MAGI2: variants seen among roughly 807,000 people sequenced by gnomAD.
The protein encoded by MAGI2 is membrane-associated guanylate kinase, WW and PDZ domain-containing protein 2.
Under a neutral mutation model 133.3 loss-of-function variants are expected in MAGI2, and 35 were observed. That is an observed-to-expected ratio of 0.26 (90% CI 0.20 to 0.35). The LOEUF is 0.35. MAGI2 is among the 10% of genes least tolerant of loss of function. MAGI2 has a pLI of 1.00. For synonymous variants in MAGI2, 729 were observed against 710.6 expected (o/e 1.03, Z -0.41); for missense variants, 1,636 against 1,863.4 (o/e 0.88, Z 2.25).
In MAGI2 at chr7:78,936,492, T is replaced by C. The variant is rs548113407; in HGVS notation, c.418+70598A>G. ...GAAAAATAAGTTAAAATAATATATATGTACTTTTGGCATTAAAAACATTTT... is the reference window on the plus strand; with the variant it reads ...GAAAAATAAGTTAAAATAATATATACGTACTTTTGGCATTAAAAACATTTT... On this transcript the variant is annotated intron_variant, in intron 2 of 21. Transcript: ENST00000354212. Among the ~76,000 whole-genome samples, 62 of 152,114 alleles carry C rather than the reference T, an allele frequency of 4.1e-4. No individual in the cohort carries two copies. In the South Asian group the frequency reaches 6.6e-3, roughly 16 times the overall value.
intron 3 of MAGI2, among the ~76,000 whole-genome samples, chr7:78,542,852 A>T (rs1320463134): frequency 1.3e-5 from 2 of 152,202 alleles, no homozygotes; most frequent in African/African-American, 2.4e-5. Context: ...TTTAAAAATG[A>T]CTTCCTTCTT....
At chr7:78,573,375 T>TGAAAA (rs1801921351) in intron 3 of MAGI2, among the ~76,000 whole-genome samples, 1 of 14,862 alleles carries the variant, frequency 6.7e-5, no homozygotes, top group Non-Finnish European at 1.4e-4. Context: ...AATATATATA[T>TGAAAA]ATATATATAT....
At chr7:78,539,144 C>T (rs1798205074) in intron 3 of MAGI2, among the ~76,000 whole-genome samples, 2 of 152,172 alleles carry the variant, frequency 1.3e-5, no homozygotes, top group African/African-American at 2.4e-5. Context: ...ATAACATTGG[C>T]TGTGGATTTA....
At chr7:78,209,578 A>ACTTTC (rs1159031704) in intron 10 of MAGI2, among the ~76,000 whole-genome samples, 2 of 151,754 alleles carry the variant, frequency 1.3e-5, no homozygotes, top group South Asian at 2.1e-4. Context: ...CATTCTTAAC[A>ACTTTC]CTTTCCTTTC....
At chr7:78,026,518 A>G (rs1808933559) in intron 21 of MAGI2, among the ~76,000 whole-genome samples, 1 of 152,266 alleles carries the variant, frequency 6.6e-6, no homozygotes, top group Non-Finnish European at 1.5e-5. Context: ...AGGTTGAGAA[A>G]GAAAAATCTT....
At chr7:78,966,212 TTAA>T (rs1803291032) in intron 2 of MAGI2, among the ~76,000 whole-genome samples, 1 of 152,114 alleles carries the variant, frequency 6.6e-6, no homozygotes, top group African/African-American at 2.4e-5. Flanking sequence ...ATCTATCCTC[TTAA>T]TAACTTTTTA....
At chr7:78,099,119 A>G (rs756086722) in intron 20 of MAGI2, among the ~76,000 whole-genome samples, 1 of 152,194 alleles carries the variant, frequency 6.6e-6, no homozygotes, top group Non-Finnish European at 1.5e-5. Flanking sequence ...CTTCACTTGT[A>G]AAGTTTCATG....
chr7:78,338,666 T>G (rs1489000928), intron 9 of MAGI2, among the ~76,000 whole-genome samples: 3 of 152,228 alleles, frequency 2.0e-5, no homozygotes, highest in Non-Finnish European at 4.4e-5. Flanking sequence ...TGTGGGATGT[T>G]GCAGAAATGT....
At chr7:78,091,484 A>G (rs532226642) in intron 20 of MAGI2, among the ~76,000 whole-genome samples, 149 of 152,328 alleles carry the variant, frequency 9.8e-4, no homozygotes, top group Non-Finnish European at 1.7e-3. Context: ...TTATGGTAGC[A>G]CAAACAGACT....
chr7:78,108,656 G>GTATATACACACA (rs1818946770), intron 20 of MAGI2, among the ~76,000 whole-genome samples: 6 of 150,956 alleles, frequency 4.0e-5, no homozygotes, highest in Non-Finnish European at 1.5e-5. Flanking sequence ...GTGTGTGTGT[G>GTATATACACACA]TGTGTGTGTG....
intron 2 of MAGI2, among the ~76,000 whole-genome samples, chr7:78,863,183 A>T (rs1794285472): frequency 6.6e-6 from 1 of 152,230 alleles, no homozygotes; most frequent in Non-Finnish European, 1.5e-5. Flanking sequence ...TAAGAAACAG[A>T]ACTGTGAGAG....
At position 78,345,903 on chromosome 7, in the gene MAGI2, A is replaced by G; in HGVS notation, c.1225+19T>C. On this transcript the variant is annotated intron_variant, in intron 8 of 21. Coordinates refer to ENST00000354212, the MANE Select transcript of MAGI2 (RefSeq NM_012301.4). The stretch of plus-strand genomic sequence containing the variant: ...GACAATTTTCCCTTTGAAACATCAC[A>G]TGCTGACAGGTATCATACCTCGGAA... The G allele has an allele frequency of 6.2e-7, 1 of 1,612,182 alleles. No individual in the cohort carries two copies.
intron 2 of MAGI2, among the ~76,000 whole-genome samples, chr7:78,974,867 T>C (rs1472812727): frequency 6.6e-6 from 1 of 151,752 alleles, no homozygotes; most frequent in Non-Finnish European, 1.5e-5. Context: ...TTAACAATTA[T>C]CGAAAGTTTG....
chr7:78,447,378 T>TA (rs61438029), intron 6 of MAGI2, among the ~76,000 whole-genome samples: 1,545 of 139,952 alleles, frequency 0.011, 11 homozygotes, highest in Non-Finnish European at 0.015. Flanking sequence ...TCCAGATGGC[T>TA]AAAAAAAAAA....
chr7:78,483,868 G>A (rs781226102), intron 6 of MAGI2, among the ~76,000 whole-genome samples: 2 of 151,894 alleles, frequency 1.3e-5, no homozygotes, highest in Non-Finnish European at 2.9e-5. Context: ...AATTTTTGAA[G>A]TTTTAGTACT....
intron 1 of MAGI2, among the ~76,000 whole-genome samples, chr7:79,418,692 C>T (rs1846714487): frequency 6.6e-6 from 1 of 151,868 alleles, no homozygotes; most frequent in Non-Finnish European, 1.5e-5. Flanking sequence ...CCCCATTTAA[C>T]TTTATGCTTC....
chr7:79,366,541 A>T (rs1842720259), intron 1 of MAGI2, among the ~76,000 whole-genome samples: 2 of 152,136 alleles, frequency 1.3e-5, no homozygotes, highest in South Asian at 4.1e-4. Flanking sequence ...ACACACAAAT[A>T]ACCTCACATA....
chr7:79,434,506 T>A (rs1355475454), intron 1 of MAGI2, among the ~76,000 whole-genome samples: 1 of 152,212 alleles, frequency 6.6e-6, no homozygotes. Context: ...TCGTTATGCC[T>A]GATTTTGGGG....
Position 78,844,540 on chromosome 7 carries a change from T to C in MAGI2, c.418+162550A>G, listed in dbSNP as rs116291457. Among the ~76,000 whole-genome samples the C allele has an allele frequency of 7.2e-3, 1,101 of 151,974 alleles. 11 individuals carry two copies. Among genetic ancestry groups the C allele is most frequent in the African/African-American group, 0.025 (1,054 of 41,512 alleles). On this transcript the variant is annotated intron_variant, in intron 2 of 21. Transcript: ENST00000354212. ...ACATGGATGAACCTTAAAAATATTA[T>C]GTTAAGTGAAACCATATTGCATGAT...
Sources: allele counts gnomAD v4.1 joint callset (sites outside exome capture counted in the v4.1 genomes callset), GRCh38; gene constraint gnomAD v4.1.1; transcripts MANE v1.5; gene names NCBI Gene and HGNC (gene_info 2026-07-23, HGNC 2026-07-21).